RASGRP3: variants seen among roughly 807,000 people sequenced by gnomAD.
RASGRP3 encodes ras guanyl-releasing protein 3.
A neutral mutation model predicts 82.7 loss-of-function variants in RASGRP3; 54 were observed. That is an observed-to-expected ratio of 0.65 (90% CI 0.52 to 0.82). The LOEUF (loss-of-function observed/expected upper bound fraction) is 0.82, where lower values mean the gene tolerates loss of function less well. Ranked by LOEUF, RASGRP3 falls within the 40% of genes least tolerant of loss-of-function variation. The pLI is 0.00. For synonymous variants in RASGRP3, 309 were observed against 300.5 expected (o/e 1.03, Z -0.29); for missense variants, 861 against 828.9 (o/e 1.04, Z -0.48).
intron 1 of RASGRP3, chr2:33,493,318 G>C (rs1290090264): frequency 6.6e-6 from 1 of 152,364 alleles, no homozygotes; most frequent in African/African-American, 2.4e-5. Context: ...GTAGAATCTG[G>C]GGACAACAAC....
intron 2 of RASGRP3, among the ~76,000 whole-genome samples, chr2:33,456,790 T>C (rs1189765226): frequency 6.6e-6 from 1 of 152,216 alleles, no homozygotes; most frequent in Admixed American, 6.5e-5. Context: ...TACCAAGGTC[T>C]GCTAGTTTTT....
chr2:33,509,455 C>T (rs776471032), intron 1 of RASGRP3, among the ~76,000 whole-genome samples: 15 of 152,100 alleles, frequency 9.9e-5, no homozygotes, highest in African/African-American at 3.1e-4. Flanking sequence ...AATGGCTTCC[C>T]GTTGCCCTTT....
At chr2:33,453,703 G>T (rs1665908992) in intron 2 of RASGRP3, among the ~76,000 whole-genome samples, 1 of 152,148 alleles carries the variant, frequency 6.6e-6, no homozygotes, top group Non-Finnish European at 1.5e-5. Context: ...CATGAGCAAG[G>T]ACTACATGAG....
At chr2:33,446,453 C>T (rs921554136) in intron 1 of RASGRP3, among the ~76,000 whole-genome samples, 10 of 151,288 alleles carry the variant, frequency 6.6e-5, no homozygotes, top group Admixed American at 4.0e-4. Context: ...CACCCACACC[C>T]GGCCCAAGTA....
intron 9 of RASGRP3, among the ~76,000 whole-genome samples, chr2:33,526,231 C>T (rs1233695150): frequency 6.6e-6 from 1 of 152,172 alleles, no homozygotes; most frequent in Non-Finnish European, 1.5e-5. Context: ...TAAATCAAAA[C>T]CCATTCCTGG....
intron 10 of RASGRP3, chr2:33,531,074 G>T (rs967450559): frequency 1.2e-4 from 18 of 152,208 alleles, no homozygotes; most frequent in African/African-American, 3.6e-4. Context: ...AAAAGAAGAA[G>T]AAGAATAAGA....
intron 2 of RASGRP3, among the ~76,000 whole-genome samples, chr2:33,455,591 G>A (rs1054698549): frequency 5.9e-5 from 9 of 152,252 alleles, no homozygotes; most frequent in African/African-American, 1.9e-4. Context: ...GATGGAGACT[G>A]GGAAAGTGCT....
At chr2:33,459,335 T>A (rs1054480043) in intron 2 of RASGRP3, among the ~76,000 whole-genome samples, 1 of 152,116 alleles carries the variant, frequency 6.6e-6, no homozygotes, top group Non-Finnish European at 1.5e-5. Flanking sequence ...AGGGTTTCAC[T>A]GTGTTAACCA....
intron 1 of RASGRP3, among the ~76,000 whole-genome samples, chr2:33,485,331 G>A (rs1340908824): frequency 6.6e-6 from 1 of 152,166 alleles, no homozygotes; most frequent in Non-Finnish European, 1.5e-5. Flanking sequence ...GGATGCTGTA[G>A]GACAAAGAAA....
rs185911150 is a variant in RASGRP3 at position 33,531,248 on chromosome 2, C to T, written c.1084-3075C>T. Reference sequence around the variant, plus strand: ...AACAACTTGAAACAGTGGATAAGAACATTTGTCAGAAAAAAACAGCCAGGC... The same window carrying T: ...AACAACTTGAAACAGTGGATAAGAATATTTGTCAGAAAAAAACAGCCAGGC... On this transcript the variant is annotated intron_variant, in intron 10 of 17. Transcript: ENST00000403687. Among the ~76,000 whole-genome samples the T allele has an allele frequency of 2.7e-3, 415 of 152,274 alleles. 2 individuals carry two copies. The highest frequency in any genetic ancestry group is 9.7e-3 in the African/African-American group (405 of 41,572).
intron 2 of RASGRP3, among the ~76,000 whole-genome samples, chr2:33,468,976 G>A (rs1173647644): frequency 1.3e-5 from 2 of 152,038 alleles, no homozygotes; most frequent in Non-Finnish European, 2.9e-5. Flanking sequence ...ATTCTTTCTG[G>A]TAGAGTATGA....
chr2:33,451,359 A>G (rs571240983), intron 2 of RASGRP3, among the ~76,000 whole-genome samples: 2 of 152,258 alleles, frequency 1.3e-5, no homozygotes, highest in East Asian at 3.9e-4. Flanking sequence ...ACCATCCCAC[A>G]GGCTGTCTCT....
chr2:33,473,727 C>T, upstream of RASGRP3, among the ~76,000 whole-genome samples: 1 of 152,176 alleles, frequency 6.6e-6, no homozygotes, highest in East Asian at 1.9e-4. Context: ...GGGTCTTGGC[C>T]TCTGTGTTAA....
At position 33,515,195 on chromosome 2, in the gene RASGRP3, T is replaced by C. The variant is rs774482287; in HGVS notation, c.59T>C (p.Ile20Thr). The stretch of plus-strand genomic sequence containing the variant: ...TTAGATGAACTGCTGTGCACTTGCA[T>C]TGAGATGTTTGGTACGAGCCTTTTC... ...ATLDELLCTCIEMFDDNGELD... is the reference protein window; with the variant it reads ...ATLDELLCTCTEMFDDNGELD... The change falls in exon 3 of 18, where the codon ATT becomes ACT. Residue 20 changes from isoleucine (I) to threonine (T), a missense_variant. Ile to Thr is a moderately conservative substitution (Grantham distance 89). Transcript: ENST00000403687. The C allele has an allele frequency of 3.7e-6, 6 of 1,613,836 alleles. No individual in the cohort carries two copies. In the African/African-American group the frequency reaches 4.0e-5, roughly 11 times the overall value.
rs1457124865 is a variant in RASGRP3 at position 33,523,891 on chromosome 2, C to A, written c.529C>A (p.Gln177Lys). The change falls in exon 8 of 18, where the codon CAA becomes AAA. Residue 177 changes from glutamine (Q) to lysine (K), a missense_variant. By Grantham distance (53) the Gln-to-Lys change is moderately conservative. Transcript: ENST00000403687. Reference sequence around the variant, plus strand: ...CTTCCTTTCCTAGTTCACTGATTACCAAAGCTATGTCATCCATGGCTGCCT... The same window carrying A: ...CTTCCTTTCCTAGTTCACTGATTACAAAAGCTATGTCATCCATGGCTGCCT... ...SFRRISFTDY[Q>K]SYVIHGCLEN... is the part of the protein sequence containing the mutation. The A allele has an allele frequency of 6.2e-7, 1 of 1,609,448 alleles. No homozygotes were observed. The highest frequency in any genetic ancestry group is 8.5e-7 in the Non-Finnish European group (1 of 1,177,054).
intron 1 of RASGRP3, among the ~76,000 whole-genome samples, chr2:33,508,085 A>G (rs1003931690): frequency 6.6e-6 from 1 of 152,204 alleles, no homozygotes; most frequent in Non-Finnish European, 1.5e-5. Flanking sequence ...TAATTCCCAG[A>G]TTTCTAGCTA....
chr2:33,543,296 C>T (rs1674442219), intron 12 of RASGRP3, among the ~76,000 whole-genome samples: 1 of 152,230 alleles, frequency 6.6e-6, no homozygotes, highest in South Asian at 2.1e-4. Context: ...GCTGGGATTA[C>T]AGGTGTGAGC....
At chr2:33,550,776 T>C (rs889987175) in intron 14 of RASGRP3, among the ~76,000 whole-genome samples, 3 of 152,124 alleles carry the variant, frequency 2.0e-5, no homozygotes, top group Admixed American at 1.3e-4. Flanking sequence ...ATTTTTCCCA[T>C]CCCATGCTCA....
chr2:33,483,489 T>TA (rs1200357947), intron 1 of RASGRP3, among the ~76,000 whole-genome samples: 19 of 108,554 alleles, frequency 1.8e-4, no homozygotes, highest in Admixed American at 6.1e-4. Context: ...AGCCACTATT[T>TA]TTTTTTTTTT....
Sources: allele counts gnomAD v4.1 joint callset (sites outside exome capture counted in the v4.1 genomes callset), GRCh38; gene constraint gnomAD v4.1.1; transcripts MANE v1.5; gene names NCBI Gene and HGNC (gene_info 2026-07-23, HGNC 2026-07-21).